The following FAM76A variants were observed in gnomAD, a reference collection of about 807,000 sequenced individuals.
FAM76A encodes the protein family with sequence similarity 76 member A, also known as protein FAM76A.
In FAM76A, 32 loss-of-function variants were observed where a neutral mutation model predicts 46.2. The observed-to-expected ratio is 0.69, with a 90% CI of 0.52 to 0.93. FAM76A has a LOEUF of 0.93. Ranked by LOEUF, FAM76A falls within the 40% of genes least tolerant of loss-of-function variation. The pLI is 0.00. For missense variants in FAM76A, 274 were observed against 361.5 expected (o/e 0.76, Z 1.96); for synonymous variants, 137 against 127.0 (o/e 1.08, Z -0.53).
At chr1:27,750,431 C>T (rs2088312979) in intron 6 of FAM76A, among the ~76,000 whole-genome samples, 1 of 152,148 alleles carries the variant, frequency 6.6e-6, no homozygotes, top group African/African-American at 2.4e-5. Flanking sequence ...GCTAGTCTGG[C>T]CATTGTGAAG....
chr1:27,745,607 T>C (rs758537299), intron 5 of FAM76A, among the ~76,000 whole-genome samples: 2 of 152,172 alleles, frequency 1.3e-5, no homozygotes, highest in Non-Finnish European at 2.9e-5. Context: ...GACAGACTTA[T>C]AAACAGATGA....
intron 4 of FAM76A, 58 bp from the exon 5 acceptor site, chr1:27,744,596 C>T (rs575970626): frequency 3.2e-5 from 50 of 1,581,946 alleles, no homozygotes; most frequent in Admixed American, 1.4e-4. Flanking sequence ...CCCAATACCA[C>T]GTTTGCAGCC....
rs1237212365 is a variant in FAM76A, at chr1:27,731,203, T to A, written c.147-1400T>A. Among the ~76,000 whole-genome samples the A allele has an allele frequency of 3.4e-4, 51 of 148,034 alleles. 1 individual carries two copies. The highest frequency in any genetic ancestry group is 1.2e-3 in the African/African-American group (47 of 40,206). Reference sequence around the variant, plus strand: ...TAACTCTTAGAGAAATCAGAATTTTTTTTTTTTTTTTTTTTTTTTCGAGAC... The same window carrying A: ...TAACTCTTAGAGAAATCAGAATTTTATTTTTTTTTTTTTTTTTTTCGAGAC... On this transcript the variant is annotated intron_variant, in intron 2 of 8. Coordinates refer to ENST00000373954, the MANE Select transcript of FAM76A (RefSeq NM_152660.3).
intron 6 of FAM76A, among the ~76,000 whole-genome samples, chr1:27,750,330 C>T (rs533676336): frequency 6.6e-6 from 1 of 152,232 alleles, no homozygotes; most frequent in Non-Finnish European, 1.5e-5. Context: ...TGAATTGAAC[C>T]TTCTGGAATG....
intron 6 of FAM76A, among the ~76,000 whole-genome samples, chr1:27,752,330 A>G (rs983723355): frequency 2.0e-5 from 3 of 151,980 alleles, no homozygotes; most frequent in African/African-American, 7.2e-5. Flanking sequence ...TTTTTTTTCT[A>G]AGTATCCTAC....
Position 27,761,540 on chromosome 1 carries a change from T to C in FAM76A, c.*959T>C, listed in dbSNP as rs1198432166. The C allele has an allele frequency of 1.3e-5, 2 of 152,664 alleles. No homozygotes were observed. Among genetic ancestry groups the C allele is most frequent in the Non-Finnish European group, 1.5e-5 (1 of 68,042 alleles). 9.5% of individuals were successfully genotyped at this position (152,664 alleles called of 1,614,324 possible). ...CTCCCCACCCCTTTCCTGATTGTTT[T>C]ATGTGATTGATTTTAAATTCTCACA... On this transcript the variant is annotated 3_prime_UTR_variant, in exon 9 of 9. Coordinates refer to ENST00000373954, the MANE Select transcript of FAM76A (RefSeq NM_152660.3).
chr1:27,732,535 T>C, intron 2 of FAM76A, 68 bp from the exon 3 acceptor site: 1 of 1,435,044 alleles, frequency 7.0e-7, no homozygotes, highest in Non-Finnish European at 9.6e-7. Flanking sequence ...AGCAAATTCC[T>C]TGGGCTTAAG....
Position 27,732,612 on chromosome 1 carries a change from T to C in FAM76A, c.156T>C (p.Asn52=), listed in dbSNP as rs2087978546. The change falls in exon 3 of 9, where the codon AAT becomes AAC. Residue 52 remains asparagine, a synonymous_variant. Coordinates refer to ENST00000373954, the MANE Select transcript of FAM76A (RefSeq NM_152660.3). The part of the protein sequence containing the change: ...RTEYQQESKT[N]TICKKCAQNV... ...CTTTCTTCCTTAACAGTAAAACCAA[T>C]ACAATATGCAAGAAATGTGCTCAGA... 6.2e-7 allele frequency: 1 copy of C among 1,609,026 alleles called. No individual in the cohort carries two copies. Among genetic ancestry groups the C allele is most frequent in the African/African-American group, 1.3e-5 (1 of 74,870 alleles).
chr1:27,753,719 C>T (rs1185306772), intron 6 of FAM76A, among the ~76,000 whole-genome samples: 1 of 152,178 alleles, frequency 6.6e-6, no homozygotes, highest in Non-Finnish European at 1.5e-5. Flanking sequence ...AGTTTGTCCA[C>T]TGGTTAGGCT....
At chr1:27,736,241 G>A (rs1345891851) in intron 4 of FAM76A, among the ~76,000 whole-genome samples, 2 of 152,148 alleles carry the variant, frequency 1.3e-5, no homozygotes, top group Non-Finnish European at 2.9e-5. Flanking sequence ...AGAATCACTT[G>A]AACCTGAGAG....
At chr1:27,755,155 C>T (rs760292484) in intron 6 of FAM76A, 40 bp from the exon 7 acceptor site, 4 of 1,609,614 alleles carry the variant, frequency 2.5e-6, no homozygotes, top group Admixed American at 3.3e-5. Flanking sequence ...AAAGTTTATC[C>T]ATCCAAGTTA....
rs1553179887 is a variant in FAM76A at position 27,759,779 on chromosome 1, G to GTTTTTTTGTTGTT, written c.837+159_837+160insGTTGTTTTTTTTT. The GTTTTTTTGTTGTT allele has an allele frequency of 1.4e-5, 5 of 363,572 alleles. No homozygotes were observed. In the South Asian group the frequency reaches 1.8e-4, roughly 13 times the overall value. 22.5% of individuals were successfully genotyped at this position (363,572 alleles called of 1,614,324 possible). A position where few individuals can be genotyped will look rare whatever the true frequency, so the allele number is the denominator to read the frequency against. ...TCCCCCTTTTAGGTTTTTTTTTTTT[G>GTTTTTTTGTTGTT]TTTTTTTTTTGAGACAGGTTCTCTG... On this transcript the variant is annotated intron_variant, in intron 8 of 8. Coordinates refer to ENST00000373954, the MANE Select transcript of FAM76A (RefSeq NM_152660.3).
At chr1:27,728,737 G>C (rs762663643) in intron 2 of FAM76A, among the ~76,000 whole-genome samples, 43 of 152,232 alleles carry the variant, frequency 2.8e-4, no homozygotes, top group Non-Finnish European at 5.0e-4. Flanking sequence ...TGAGGCAGGT[G>C]TATCACCTGA....
rs959751460 is a variant in FAM76A, at chr1:27,760,433, A to G, written c.838-62A>G. The G allele has an allele frequency of 3.3e-5, 46 of 1,404,308 alleles. No homozygotes were observed. The African/African-American group carries it at 6.3e-4, about 19-fold the overall frequency. 87.0% of individuals were successfully genotyped at this position (1,404,308 alleles called of 1,614,324 possible). ...GCCTTAGCATCTGCACTTACTCTGCATGAAAAATAGCTTATATCCTGTTTG... is the reference window on the plus strand; with the variant it reads ...GCCTTAGCATCTGCACTTACTCTGCGTGAAAAATAGCTTATATCCTGTTTG... On this transcript the variant is annotated intron_variant, in intron 8 of 8. Coordinates refer to ENST00000373954, the MANE Select transcript of FAM76A (RefSeq NM_152660.3).
At chr1:27,760,271 G>T in intron 8 of FAM76A, 1 of 415,934 alleles carries the variant, frequency 2.4e-6, no homozygotes, top group Non-Finnish European at 4.6e-6. Flanking sequence ...TGTAACAGTG[G>T]GTCCCAAGAG....
intron 5 of FAM76A, among the ~76,000 whole-genome samples, chr1:27,748,723 C>T (rs1406227028): frequency 2.6e-5 from 4 of 152,002 alleles, no homozygotes; most frequent in East Asian, 1.9e-4. Context: ...CCTCGTGATC[C>T]GCCTGCCTCA....
chr1:27,750,900 C>T (rs924771768), intron 6 of FAM76A, among the ~76,000 whole-genome samples: 2 of 152,192 alleles, frequency 1.3e-5, no homozygotes, highest in African/African-American at 2.4e-5. Context: ...CAGGCACAGT[C>T]GTTCACACAT....
intron 4 of FAM76A, among the ~76,000 whole-genome samples, chr1:27,737,427 C>T (rs1026892748): frequency 1.3e-5 from 2 of 152,094 alleles, no homozygotes; most frequent in Admixed American, 6.6e-5. Flanking sequence ...AAAATTATGC[C>T]TTAAATGCCA....
chr1:27,760,484 T>G lies in FAM76A; in HGVS notation c.838-11T>G. 6.2e-7 allele frequency: 1 copy of G among 1,605,050 alleles called. No homozygotes were observed. The highest frequency in any genetic ancestry group is 8.5e-7 in the Non-Finnish European group (1 of 1,175,480). On this transcript the variant is annotated splice_polypyrimidine_tract_variant and intron_variant, in intron 8 of 8. Coordinates refer to ENST00000373954, the MANE Select transcript of FAM76A (RefSeq NM_152660.3). ...AAACATCCTTCTTGCACTGATTTTT[T>G]TTTTCTTTAGGCCAAAAACCGAGAG...
Sources: allele counts gnomAD v4.1 joint callset (sites outside exome capture counted in the v4.1 genomes callset), GRCh38; gene constraint gnomAD v4.1.1; transcripts MANE v1.5; gene names NCBI Gene and HGNC (gene_info 2026-07-23, HGNC 2026-07-21).